DTNB: variants seen among roughly 807,000 people sequenced by gnomAD.
The protein encoded by DTNB is DTN-B.
DTNB carries 63 observed loss-of-function variants against 90.7 expected under a neutral mutation model. The observed-to-expected ratio is 0.69, with a 90% CI of 0.57 to 0.86. The LOEUF (loss-of-function observed/expected upper bound fraction) is 0.86, where lower values mean the gene tolerates loss of function less well. Ranked by LOEUF, DTNB falls within the 40% of genes least tolerant of loss-of-function variation. The pLI is 0.00. For synonymous variants in DTNB, 277 were observed against 286.7 expected (o/e 0.97, Z 0.34); for missense variants, 744 against 807.1 (o/e 0.92, Z 0.95).
At chr2:25,412,867 A>AG (rs1362380842) in intron 16 of DTNB, among the ~76,000 whole-genome samples, 1 of 152,210 alleles carries the variant, frequency 6.6e-6, no homozygotes, top group Non-Finnish European at 1.5e-5. Context: ...GATTGAGGCC[A>AG]GAGAGGCCCA....
chr2:25,652,465 C>G (rs1056390142), intron 2 of DTNB, 129 bp downstream of exon 2: 1 of 893,570 alleles, frequency 1.1e-6, no homozygotes, highest in African/African-American at 1.7e-5. Flanking sequence ...GATTCTTTAA[C>G]TCCCATTCTT....
At chr2:25,392,615 C>T (rs935350193) in intron 16 of DTNB, among the ~76,000 whole-genome samples, 1 of 152,126 alleles carries the variant, frequency 6.6e-6, no homozygotes, top group African/African-American at 2.4e-5. Flanking sequence ...ACCATGAACA[C>T]CTTTACATGC....
intron 12 of DTNB, among the ~76,000 whole-genome samples, chr2:25,449,254 G>A (rs987932343): frequency 6.6e-6 from 1 of 152,124 alleles, no homozygotes; most frequent in African/African-American, 2.4e-5. Flanking sequence ...ATAACTACGT[G>A]GGCTATTCCA....
At chr2:25,398,569 G>A (rs1035004710) in intron 16 of DTNB, among the ~76,000 whole-genome samples, 1 of 152,178 alleles carries the variant, frequency 6.6e-6, no homozygotes, top group Admixed American at 6.5e-5. Context: ...CCTGGAGACC[G>A]GAGCCGATCT....
chr2:25,410,129 T>C (rs1050987406), intron 16 of DTNB, among the ~76,000 whole-genome samples: 1 of 152,208 alleles, frequency 6.6e-6, no homozygotes, highest in Non-Finnish European at 1.5e-5. Flanking sequence ...GGGGAGGCAG[T>C]GTGTCCTAGG....
At chr2:25,497,838 C>A (rs1308824599) in intron 9 of DTNB, among the ~76,000 whole-genome samples, 1 of 152,166 alleles carries the variant, frequency 6.6e-6, no homozygotes, top group Non-Finnish European at 1.5e-5. Flanking sequence ...CATTTCAGCC[C>A]TCATTTGGCT....
chr2:25,544,556 G>A (rs953119015), intron 8 of DTNB, among the ~76,000 whole-genome samples: 12 of 152,094 alleles, frequency 7.9e-5, no homozygotes, highest in Non-Finnish European at 1.8e-4. Flanking sequence ...CCATCTGAGG[G>A]GATCTAAGCA....
At chr2:25,660,311 A>C (rs1018893693) in intron 1 of DTNB, among the ~76,000 whole-genome samples, 10 of 152,234 alleles carry the variant, frequency 6.6e-5, no homozygotes, top group African/African-American at 2.2e-4. Flanking sequence ...ATGCTAAATG[A>C]AAGAAGCCAG....
chr2:25,659,110 C>A (rs1164572664), intron 1 of DTNB, among the ~76,000 whole-genome samples: 1 of 151,700 alleles, frequency 6.6e-6, no homozygotes, highest in African/African-American at 2.4e-5. Flanking sequence ...ATCAGAGGAT[C>A]CCAGAATGAA....
At chr2:25,383,539 G>A (rs1233303021) in intron 19 of DTNB, 1 of 476,372 alleles carries the variant, frequency 2.1e-6, no homozygotes, top group Non-Finnish European at 3.7e-6. Context: ...TTATTAACTA[G>A]ATCATAAACT....
intron 9 of DTNB, among the ~76,000 whole-genome samples, chr2:25,518,079 T>C (rs982531598): frequency 7.2e-5 from 11 of 152,024 alleles, no homozygotes; most frequent in African/African-American, 2.7e-4. Context: ...GCATTGCTGT[T>C]TAACGGGTAT....
At chr2:25,637,025 G>A (rs911957514) in intron 3 of DTNB, among the ~76,000 whole-genome samples, 4 of 151,852 alleles carry the variant, frequency 2.6e-5, no homozygotes, top group African/African-American at 7.3e-5. Flanking sequence ...GCAAAACCAG[G>A]TCTAACAGAG....
intron 10 of DTNB, among the ~76,000 whole-genome samples, chr2:25,470,619 C>T (rs1456907236): frequency 6.6e-6 from 1 of 152,038 alleles, no homozygotes; most frequent in Non-Finnish European, 1.5e-5. Context: ...TCAGGTGATC[C>T]ACCCGCCTTG....
At chr2:25,560,041 G>A (rs1044747824) in intron 8 of DTNB, among the ~76,000 whole-genome samples, 5 of 152,244 alleles carry the variant, frequency 3.3e-5, no homozygotes, top group African/African-American at 1.2e-4. Context: ...CTGAGGCCAG[G>A]AGTTCAAGAC....
chr2:25,566,371 G>A (rs1040415229), intron 8 of DTNB, among the ~76,000 whole-genome samples: 1 of 152,274 alleles, frequency 6.6e-6, no homozygotes. Flanking sequence ...CTGACACTTC[G>A]ATTTCAGCTC....
intron 8 of DTNB, among the ~76,000 whole-genome samples, chr2:25,557,877 C>A (rs1400742657): frequency 6.6e-6 from 1 of 152,240 alleles, no homozygotes; most frequent in Non-Finnish European, 1.5e-5. Context: ...ATTAGAACCA[C>A]ATATTGACAG....
intron 12 of DTNB, among the ~76,000 whole-genome samples, chr2:25,442,098 A>G (rs535717671): frequency 6.6e-6 from 1 of 152,358 alleles, no homozygotes; most frequent in East Asian, 1.9e-4. Context: ...TAAAGTGTCA[A>G]CAACATCTAG....
chr2:25,642,420 A>AC (rs747201638), intron 2 of DTNB, among the ~76,000 whole-genome samples: 1 of 146,666 alleles, frequency 6.8e-6, no homozygotes, highest in Non-Finnish European at 1.5e-5. Flanking sequence ...CTGGGACACT[A>AC]TTTTTTTTTT....
At chr2:25,383,001 G>C (rs545387699) in intron 19 of DTNB, among the ~76,000 whole-genome samples, 9 of 152,094 alleles carry the variant, frequency 5.9e-5, no homozygotes, top group Non-Finnish European at 1.0e-4. Context: ...AAGCAGGTTC[G>C]ATATATAATG....
Sources: allele counts gnomAD v4.1 joint callset (sites outside exome capture counted in the v4.1 genomes callset), GRCh38; gene constraint gnomAD v4.1.1; transcripts MANE v1.5; gene names NCBI Gene and HGNC (gene_info 2026-07-23, HGNC 2026-07-21).